Variants in RPGRIP1 observed in about 807,000 individuals in gnomAD.
The protein encoded by RPGRIP1 is RPGR interacting protein 1.
In RPGRIP1, 128 loss-of-function variants were observed where a neutral mutation model predicts 157.9. The observed-to-expected ratio is 0.81, with a 90% CI of 0.70 to 0.94. The LOEUF (loss-of-function observed/expected upper bound fraction) is 0.94, where lower values mean the gene tolerates loss of function less well. Ranked by LOEUF, RPGRIP1 falls within the 40% of genes least tolerant of loss-of-function variation. The pLI, the probability that RPGRIP1 is intolerant of heterozygous loss-of-function variation, is 0.00. For missense variants in RPGRIP1, 1,486 were observed against 1,545.8 expected (o/e 0.96, Z 0.65); for synonymous variants, 554 against 571.6 (o/e 0.97, Z 0.44).
chr14:21,341,733 G>A (rs1414636594), intron 21 of RPGRIP1, among the ~76,000 whole-genome samples: 2 of 152,116 alleles, frequency 1.3e-5, no homozygotes, highest in Non-Finnish European at 2.9e-5. Context: ...ACAGGGTGAT[G>A]GCAGCGACTG....
At chr14:21,344,736 A>G (rs935912184) in intron 22 of RPGRIP1, among the ~76,000 whole-genome samples, 2 of 152,210 alleles carry the variant, frequency 1.3e-5, no homozygotes, top group Non-Finnish European at 2.9e-5. Flanking sequence ...ACTTGAGGTC[A>G]GAAGTTGGAG....
chr14:21,343,253 G>T (rs748886795), intron 22 of RPGRIP1, 25 bp downstream of exon 22: 55 of 1,576,402 alleles, frequency 3.5e-5, no homozygotes, highest in Non-Finnish European at 4.5e-5. Context: ...GTGGTTACTG[G>T]GGTGAGGAAG....
At chr14:21,329,975 A>G (rs1264531235) in intron 19 of RPGRIP1, among the ~76,000 whole-genome samples, 1 of 150,652 alleles carries the variant, frequency 6.6e-6, no homozygotes, top group Non-Finnish European at 1.5e-5. Flanking sequence ...AAAATTAGTC[A>G]GGTGTGGTGA....
intron 17 of RPGRIP1, among the ~76,000 whole-genome samples, chr14:21,326,560 G>A (rs1474069168): frequency 1.3e-5 from 2 of 152,002 alleles, no homozygotes; most frequent in Admixed American, 6.6e-5. Context: ...AGTAGAGATG[G>A]GATTTCTCCA....
At chr14:21,321,179 A>G (rs777077464) in intron 12 of RPGRIP1, 80 bp from the exon 13 acceptor site, 28 of 1,436,766 alleles carry the variant, frequency 1.9e-5, no homozygotes, top group Non-Finnish European at 2.4e-5. Flanking sequence ...TACTACTACC[A>G]ACAACTGTTT....
At chr14:21,306,922 C>T (rs897728022) in intron 6 of RPGRIP1, among the ~76,000 whole-genome samples, 1 of 148,938 alleles carries the variant, frequency 6.7e-6, no homozygotes, top group African/African-American at 2.5e-5. Flanking sequence ...ACTACAGGTG[C>T]GCACCACCAC....
chr14:21,287,765 T>C (rs1880351355), intron 1 of RPGRIP1, among the ~76,000 whole-genome samples, 174 bp from the exon 2 acceptor site: 1 of 152,216 alleles, frequency 6.6e-6, no homozygotes, highest in Non-Finnish European at 1.5e-5. Context: ...TCATTCCTAC[T>C]GAATACTTGT....
chr14:21,310,685 G>C, intron 8 of RPGRIP1, 78 bp downstream of exon 8: 1 of 773,822 alleles, frequency 1.3e-6, no homozygotes, highest in Non-Finnish European at 2.1e-6. Context: ...TCATCTCCAA[G>C]TAACATAACA....
chr14:21,308,630 C>T (rs1034409784), intron 7 of RPGRIP1, among the ~76,000 whole-genome samples: 3 of 152,192 alleles, frequency 2.0e-5, no homozygotes, highest in East Asian at 1.9e-4. Context: ...TAAAACGACA[C>T]GGACACAGGT....
Position 21,351,123 on chromosome 14 carries a change from G to GTTGTTA in RPGRIP1, c.3768_3769insTTGTTA (p.Leu1256_Ala1257insLeuLeu). On this transcript the variant is annotated inframe_insertion, in exon 25 of 25. Coordinates refer to ENST00000400017, the MANE Select transcript of RPGRIP1 (RefSeq NM_020366.4). ...CAACAGTTGTTAGCCCTGAAGATCT[G>GTTGTTA]GCTACCCCAATAGGAAGGCTGAAGG... The GTTGTTA allele has an allele frequency of 6.2e-7, 1 of 1,610,328 alleles. No homozygotes were observed. Among genetic ancestry groups the GTTGTTA allele is most frequent in the South Asian group, 1.1e-5 (1 of 90,384 alleles).
chr14:21,285,850 A>G (rs1880279922), intron 1 of RPGRIP1, among the ~76,000 whole-genome samples: 1 of 152,002 alleles, frequency 6.6e-6, no homozygotes, highest in African/African-American at 2.4e-5. Flanking sequence ...TGTTTTATAC[A>G]GGTCACTCTG....
chr14:21,314,921 G>C (rs1377470460), intron 10 of RPGRIP1, among the ~76,000 whole-genome samples: 1 of 152,016 alleles, frequency 6.6e-6, no homozygotes, highest in Non-Finnish European at 1.5e-5. Flanking sequence ...TACTTGGGAG[G>C]CTGAGGCAGG....
chr14:21,351,157 C>T lies in RPGRIP1; in HGVS notation c.3802C>T (p.Gln1268Ter). 1 of 1,612,914 alleles carries T rather than the reference C, an allele frequency of 6.2e-7. No homozygotes were observed. Among genetic ancestry groups the T allele is most frequent in the Non-Finnish European group, 8.5e-7 (1 of 1,179,406 alleles). The change falls in exon 25 of 25, where the codon CAA becomes TAA. Residue 1268 changes from glutamine to a stop codon, truncating the protein, a stop_gained. Transcript: ENST00000400017. LOFTEE classifies it high-confidence loss of function. The part of the protein sequence containing the change: ...TPIGRLKVSL[Q>*]AAAVLHAIYK... ...AATAGGAAGGCTGAAGGTTTCCCTT[C>T]AAGCAGCTGCTGTCCTCCATGCTAT...
chr14:21,325,818 A>C lies in RPGRIP1; in HGVS notation c.2368-13A>C, dbSNP rs535501376. On this transcript the variant is annotated splice_polypyrimidine_tract_variant and intron_variant, in intron 16 of 24. Coordinates refer to ENST00000400017, the MANE Select transcript of RPGRIP1 (RefSeq NM_020366.4). ...CTGCCCTTTTCCTCAATCCATGACC[A>C]ACATCTTTCCAGTTCAGATCGGAGT... 1 of 1,598,912 alleles carries C rather than the reference A, an allele frequency of 6.3e-7. No individual in the cohort carries two copies. Among genetic ancestry groups the C allele is most frequent in the South Asian group, 1.1e-5 (1 of 89,206 alleles).
In RPGRIP1 at chr14:21,343,237, T is replaced by C. The variant is rs1365076699; in HGVS notation, c.3532+9T>C. 2 of 1,607,654 alleles carry C rather than the reference T, an allele frequency of 1.2e-6. No individual in the cohort carries two copies. Among genetic ancestry groups the C allele is most frequent in the Admixed American group, 1.7e-5 (1 of 59,042 alleles). ...CTTTCACTTTAGCAAGGGTGAGGCA[T>C]CCTGTGTGGTTACTGGGGTGAGGAA... is the stretch of plus-strand genomic sequence containing the variant. On this transcript the variant is annotated intron_variant, in intron 22 of 24. Coordinates refer to ENST00000400017, the MANE Select transcript of RPGRIP1 (RefSeq NM_020366.4).
chr14:21,351,212 C>A lies in RPGRIP1; in HGVS notation c.3857C>A (p.Ser1286Ter). 1 of 1,575,738 alleles carries A rather than the reference C, an allele frequency of 6.3e-7. No homozygotes were observed. Among genetic ancestry groups the A allele is most frequent in the Non-Finnish European group, 8.7e-7 (1 of 1,147,790 alleles). Residue 1286 changes from serine (S) to a stop codon, truncating the protein, a stop_gained, in exon 25 of 25, where the codon TCA (serine) becomes TAA (stop). Coordinates refer to ENST00000400017, the MANE Select transcript of RPGRIP1 (RefSeq NM_020366.4). LOFTEE classifies it high-confidence loss of function. ...AAGGAGATGACTGAAGATTTGTTTT[C>A]ATGAAGGAACAAGTGCTATTCCAAT... Reference protein sequence around the residue: ...IYKEMTEDLFS With the variant: ...IYKEMTEDLF
At chr14:21,306,297 T>C (rs911686627) in intron 6 of RPGRIP1, among the ~76,000 whole-genome samples, 1 of 150,940 alleles carries the variant, frequency 6.6e-6, no homozygotes, top group African/African-American at 2.4e-5. Flanking sequence ...CACACCTGGC[T>C]AATTTTTATA....
At chr14:21,335,497 T>C (rs1198007619) in intron 21 of RPGRIP1, among the ~76,000 whole-genome samples, 2 of 152,052 alleles carry the variant, frequency 1.3e-5, no homozygotes, top group Non-Finnish European at 2.9e-5. Flanking sequence ...TCAAAGCTCT[T>C]TCAGAACTGA....
Position 21,348,290 on chromosome 14 carries a change from C to G in RPGRIP1, c.3736C>G (p.Gln1246Glu), listed in dbSNP as rs765987753. The G allele has an allele frequency of 6.3e-7, 1 of 1,579,338 alleles. No homozygotes were observed. Among genetic ancestry groups the G allele is most frequent in the African/African-American group, 1.4e-5 (1 of 73,956 alleles). Reference sequence around the variant, plus strand: ...GGAGTCAGGAAGAGATATTCTAGAGCAAGAGCTAGACAGTGAGTCATTTTT... The same window carrying G: ...GGAGTCAGGAAGAGATATTCTAGAGGAAGAGCTAGACAGTGAGTCATTTTT... ...ILESGRDILE[Q>E]ELDIVSPEDL... The change falls in exon 24 of 25, where the codon CAA becomes GAA. Residue 1246 changes from glutamine (Q) to glutamate (E), a missense_variant. Gln to Glu is a conservative substitution (Grantham distance 29). Coordinates refer to ENST00000400017, the MANE Select transcript of RPGRIP1 (RefSeq NM_020366.4).
Sources: allele counts gnomAD v4.1 joint callset (sites outside exome capture counted in the v4.1 genomes callset), GRCh38; gene constraint gnomAD v4.1.1; transcripts MANE v1.5; gene names NCBI Gene and HGNC (gene_info 2026-07-23, HGNC 2026-07-21).